The following C2CD3 variants were observed in gnomAD, a reference collection of about 807,000 sequenced individuals.
The protein encoded by C2CD3 is C2 domain containing 3 centriole elongation regulator, also known as C2 domain-containing protein 3.
C2CD3 carries 148 observed loss-of-function variants against 234.0 expected under a neutral mutation model. The ratio of observed to expected loss-of-function variants is 0.63; its 90% CI spans 0.55 to 0.72. The LOEUF (loss-of-function observed/expected upper bound fraction) is 0.72. Among genes scored for constraint, C2CD3 ranks in the 30% least tolerant of loss-of-function variants. The pLI, the probability that C2CD3 is intolerant of heterozygous loss-of-function variation, is 0.00. For missense variants in C2CD3, 2,577 were observed against 2,811.5 expected, an observed-to-expected ratio of 0.92 and a Z score of 1.89; for synonymous variants, 1,000 against 1,035.4, an observed-to-expected ratio of 0.97 and a Z score of 0.66.
intron 19 of C2CD3, 109 bp from the exon 20 acceptor site, chr11:74,091,045 C>A: frequency 3.9e-6 from 4 of 1,022,074 alleles, no homozygotes; most frequent in Non-Finnish European, 5.7e-6. Flanking sequence ...CTACAACGAA[C>A]AATAAGGGCA....
At chr11:74,146,719 C>CATACACACACACACACACACAT (rs201264300) in intron 3 of C2CD3, among the ~76,000 whole-genome samples, 1 of 142,166 alleles carries the variant, frequency 7.0e-6, no homozygotes, top group African/African-American at 2.8e-5. Flanking sequence ...ACCACACACA[C>CATACACACACACACACACACAT]ACACACACAC....
At position 74,103,230 on chromosome 11, in the gene C2CD3, T is replaced by C. The variant is rs1590809776; in HGVS notation, c.2481A>G (p.Pro827=). The C allele has an allele frequency of 1.9e-6, 3 of 1,614,150 alleles. No individual in the cohort carries two copies. The highest frequency in any genetic ancestry group is 2.5e-6 in the Non-Finnish European group (3 of 1,179,978). The part of the protein sequence containing the change: ...FISGESEKQS[P]CNVYLNCKLF... ...GTTTACAATTTAAATAAACATTGCA[T>C]GGTGATTGTTTCTCAGATTCTCCAC... Residue 827 remains proline, a synonymous_variant, in exon 14 of 33, where the codon CCA becomes CCG. Coordinates refer to ENST00000334126, the MANE Select transcript of C2CD3 (RefSeq NM_001286577.2).
chr11:74,055,619 TG>T (rs1290350921), intron 25 of C2CD3, among the ~76,000 whole-genome samples: 1 of 152,260 alleles, frequency 6.6e-6, no homozygotes, highest in Non-Finnish European at 1.5e-5. Flanking sequence ...CACCTCTGAA[TG>T]CTAGCTCTGC....
chr11:74,128,219 T>C (rs981535770), intron 7 of C2CD3, among the ~76,000 whole-genome samples: 4 of 152,232 alleles, frequency 2.6e-5, no homozygotes, highest in African/African-American at 9.6e-5. Context: ...CCATTGCCCA[T>C]ATTTTTAATT....
intron 31 of C2CD3, among the ~76,000 whole-genome samples, chr11:74,031,182 ATTATTT>A (rs1381452482): frequency 1.3e-5 from 2 of 152,214 alleles, no homozygotes; most frequent in African/African-American, 4.8e-5. Flanking sequence ...AGTTTACATG[ATTATTT>A]TCATTTTCAT....
chr11:74,076,150 C>T (rs1165703318), intron 23 of C2CD3, among the ~76,000 whole-genome samples: 1 of 152,060 alleles, frequency 6.6e-6, no homozygotes, highest in Non-Finnish European at 1.5e-5. Context: ...TTCTGTAGTC[C>T]CTTTGAAGGG....
At chr11:74,036,315 G>A (rs1952740177) in intron 30 of C2CD3, 2 of 377,830 alleles carry the variant, frequency 5.3e-6, no homozygotes, top group Non-Finnish European at 1.1e-5. Flanking sequence ...TAAGCTTGAT[G>A]AAGGGAGATA....
intron 19 of C2CD3, among the ~76,000 whole-genome samples, 164 bp from the exon 20 acceptor site, chr11:74,091,100 G>A (rs527533672): frequency 4.2e-4 from 64 of 152,224 alleles, no homozygotes; most frequent in African/African-American, 1.5e-3. Context: ...TATTCTTTAA[G>A]GTTAATAAAG....
intron 20 of C2CD3, among the ~76,000 whole-genome samples, chr11:74,087,531 T>C (rs982114243): frequency 7.3e-5 from 11 of 151,200 alleles, no homozygotes; most frequent in African/African-American, 2.7e-4. Flanking sequence ...ACCAGTGCAC[T>C]CTAGCCAGGG....
At chr11:74,037,338 A>C in intron 30 of C2CD3, 140 bp downstream of exon 30, 1 of 298,740 alleles carries the variant, frequency 3.3e-6, no homozygotes, top group Non-Finnish European at 6.1e-6. Context: ...AAGATGGTTA[A>C]AAAAAAAAAA....
intron 8 of C2CD3, 76 bp downstream of exon 8, chr11:74,122,912 C>CTGTCCGGCAAGTGA: frequency 9.6e-7 from 1 of 1,045,962 alleles, no homozygotes; most frequent in Non-Finnish European, 1.4e-6. Flanking sequence ...AAATGCATAG[C>CTGTCCGGCAAGTGA]TGTCATGCCT....
intron 24 of C2CD3, among the ~76,000 whole-genome samples, chr11:74,072,109 T>C (rs529308051): frequency 6.6e-6 from 1 of 152,308 alleles, no homozygotes; most frequent in East Asian, 1.9e-4. Context: ...TAAAAAAAAT[T>C]TGTCAAAAAT....
intron 3 of C2CD3, among the ~76,000 whole-genome samples, chr11:74,154,081 T>C (rs2068342588): frequency 2.6e-5 from 4 of 152,102 alleles, no homozygotes; most frequent in Admixed American, 6.6e-5. Flanking sequence ...ACATGAATTA[T>C]ACCTAAAACT....
At chr11:74,112,183 A>G (rs1956774893) in intron 11 of C2CD3, among the ~76,000 whole-genome samples, 1 of 152,214 alleles carries the variant, frequency 6.6e-6, no homozygotes, top group Admixed American at 6.5e-5. Flanking sequence ...TTGACTATGT[A>G]GTAGGAGTGT....
At chr11:74,055,143 G>A (rs826041) in intron 25 of C2CD3, among the ~76,000 whole-genome samples, 6,998 of 152,214 alleles carry the variant, frequency 0.046, 470 homozygotes, top group African/African-American at 0.15. Flanking sequence ...CCTATAACAT[G>A]GACATTATTA....
rs1956836652 is a variant in C2CD3 at position 74,113,833 on chromosome 11, G to A, written c.1790C>T (p.Thr597Ile). ...TCGAACAACCTCAGTGATCAAAGCT[G>A]TCTTTCCCAATCCGCTTTCCGAAAA... Reference protein sequence around the residue: ...VGFSESGLGKTALITEVVRLA... With the variant: ...VGFSESGLGKIALITEVVRLA... The change falls in exon 11 of 33, where the codon ACA becomes ATA. Residue 597 changes from threonine to isoleucine, a missense_variant. By Grantham distance (89) the Thr-to-Ile change is moderately conservative. Coordinates refer to ENST00000334126, the MANE Select transcript of C2CD3 (RefSeq NM_001286577.2). 6.2e-7 allele frequency: 1 copy of A among 1,611,196 alleles called. No individual in the cohort carries two copies. Among genetic ancestry groups the A allele is most frequent in the South Asian group, 1.1e-5 (1 of 89,966 alleles).
rs772700346 is a variant in C2CD3, at chr11:74,084,891, G to T, written c.3990C>A (p.Ile1330=). ...VVKVPTKELL[I]KRSGITGWYP... ...ATCCAGGATCCTTACCAGATCTCTT[G>T]ATCAGCAGCTCTTTTGTTGGAACTT... Residue 1330 remains isoleucine, a synonymous_variant, in exon 22 of 33, where the codon ATC becomes ATA. Coordinates refer to ENST00000334126, the MANE Select transcript of C2CD3 (RefSeq NM_001286577.2). 6.2e-7 allele frequency: 1 copy of T among 1,602,110 alleles called. No homozygotes were observed. Among genetic ancestry groups the T allele is most frequent in the East Asian group, 2.2e-5 (1 of 44,794 alleles).
intron 22 of C2CD3, among the ~76,000 whole-genome samples, chr11:74,083,923 C>T (rs1955517112): frequency 6.6e-6 from 1 of 152,158 alleles, no homozygotes; most frequent in Non-Finnish European, 1.5e-5. Context: ...TACCATTTGA[C>T]CCAGCCATCC....
At chr11:74,066,782 T>C (rs1954562259) in intron 24 of C2CD3, among the ~76,000 whole-genome samples, 1 of 152,162 alleles carries the variant, frequency 6.6e-6, no homozygotes, top group Non-Finnish European at 1.5e-5. Flanking sequence ...AGTCCACAAG[T>C]AGAAGAATTT....
Sources: allele counts gnomAD v4.1 joint callset (sites outside exome capture counted in the v4.1 genomes callset), GRCh38; gene constraint gnomAD v4.1.1; transcripts MANE v1.5; gene names NCBI Gene and HGNC (gene_info 2026-07-23, HGNC 2026-07-21).